The following CMC1 variants were observed in gnomAD, a reference collection of about 807,000 sequenced individuals.
The protein encoded by CMC1 is COX assembly mitochondrial protein homolog.
Under a neutral mutation model 14.1 loss-of-function variants are expected in CMC1, and 14 were observed. The observed-to-expected ratio is 0.99, with a 90% CI of 0.66 to 1.55. The LOEUF is 1.55. CMC1 is among the 40% of genes most tolerant of loss of function. The pLI, the probability that CMC1 is intolerant of heterozygous loss-of-function variation, is 0.00. For synonymous variants in CMC1, 50 were observed against 38.4 expected (o/e 1.30, Z -1.12); for missense variants, 127 against 123.8 (o/e 1.03, Z -0.12).
At chr3:28,281,815 A>C (rs1700909578) in intron 2 of CMC1, among the ~76,000 whole-genome samples, 1 of 152,200 alleles carries the variant, frequency 6.6e-6, no homozygotes, top group Admixed American at 6.5e-5. Context: ...TATTTGGCTA[A>C]GTATAGGGAA....
At chr3:28,294,968 T>C (rs1006500028) in intron 2 of CMC1, among the ~76,000 whole-genome samples, 9 of 141,202 alleles carry the variant, frequency 6.4e-5, no homozygotes, top group Non-Finnish European at 1.3e-4. Context: ...TTTACAGTGC[T>C]GATCATTATT....
chr3:28,297,053 T>G (rs1408890241), intron 2 of CMC1: 2 of 152,122 alleles, frequency 1.3e-5, no homozygotes, highest in East Asian at 1.9e-4. Context: ...AATTGCTGTT[T>G]TATTTATTTG....
In CMC1 at chr3:28,313,650, A is replaced by T. The variant is rs1407130131; in HGVS notation, c.110-2683A>T. 2.0e-5 allele frequency among the ~76,000 whole-genome samples: 3 copies of T among 152,230 alleles called. No homozygotes were observed. The East Asian group carries it at 5.8e-4, about 29-fold the overall frequency. ...TGCAGACAGCTTAAGGCTTCAGGTC[A>T]GTCATATTTACTCCTGAAGATATTT... On this transcript the variant is annotated intron_variant, in intron 2 of 3. Coordinates refer to ENST00000466830, the MANE Select transcript of CMC1 (RefSeq NM_182523.2).
intron 2 of CMC1, among the ~76,000 whole-genome samples, chr3:28,270,736 G>A (rs1253555137): frequency 6.6e-6 from 1 of 151,818 alleles, no homozygotes; most frequent in African/African-American, 2.4e-5. Context: ...CTTTTGCTAT[G>A]TAGAAACTCT....
At chr3:28,276,427 A>G (rs1383509198) in intron 2 of CMC1, among the ~76,000 whole-genome samples, 1 of 152,120 alleles carries the variant, frequency 6.6e-6, no homozygotes, top group Non-Finnish European at 1.5e-5. Flanking sequence ...ATATTGTTAA[A>G]ATGAATATAT....
At chr3:28,247,361 G>A (rs571056465) in intron 1 of CMC1, among the ~76,000 whole-genome samples, 3 of 152,196 alleles carry the variant, frequency 2.0e-5, no homozygotes, top group East Asian at 1.9e-4. Context: ...AATAGGAGAC[G>A]GGAGGGGAAA....
At position 28,285,768 on chromosome 3, in the gene CMC1, C is replaced by A. The variant is rs534645842; in HGVS notation, c.109+22388C>A. ...GTATATTGTCCAGGTAAATTCTCAG[C>A]ATTTTTTTTTTTTTTTGAGACAGAG... is the stretch of plus-strand genomic sequence containing the variant. On this transcript the variant is annotated intron_variant, in intron 2 of 3. Transcript: ENST00000466830. Among the ~76,000 whole-genome samples, 3 of 141,826 alleles carry A rather than the reference C, an allele frequency of 2.1e-5. No homozygotes were observed. In the East Asian group the frequency reaches 6.1e-4, roughly 29 times the overall value. The allele number at this position is 141,826 out of a possible 152,430, so 93.0% of individuals were successfully genotyped here.
At chr3:28,255,718 T>TACACACAC (rs1207556502) in intron 1 of CMC1, among the ~76,000 whole-genome samples, 2 of 99,232 alleles carry the variant, frequency 2.0e-5, no homozygotes, top group Non-Finnish European at 4.1e-5. Flanking sequence ...TATATACATG[T>TACACACAC]ACATACACAC....
At position 28,249,011 on chromosome 3, in the gene CMC1, C is replaced by T. The variant is rs180712418; in HGVS notation, c.19+7199C>T. On this transcript the variant is annotated intron_variant, in intron 1 of 3. Transcript: ENST00000466830. ...TTCACTGTGTTAGCCAGGATGGTCT[C>T]GATCTCCTGACCTTGTGATCTGCCT... Among the ~76,000 whole-genome samples, 283 of 152,216 alleles carry T rather than the reference C, an allele frequency of 1.9e-3. 3 individuals carry two copies. The highest frequency in any genetic ancestry group is 6.1e-3 in the African/African-American group (252 of 41,528).
intron 2 of CMC1, among the ~76,000 whole-genome samples, chr3:28,304,218 C>G (rs563629952): frequency 1.3e-5 from 2 of 151,946 alleles, no homozygotes; most frequent in African/African-American, 4.8e-5. Flanking sequence ...CTTATTTAAC[C>G]TAATATATCA....
chr3:28,251,786 T>C (rs1345282357), intron 1 of CMC1, among the ~76,000 whole-genome samples: 1 of 152,152 alleles, frequency 6.6e-6, no homozygotes, highest in African/African-American at 2.4e-5. Context: ...GGAACATTCA[T>C]AGGATTGAGA....
At chr3:28,246,798 ATTTT>A (rs770788764) in intron 1 of CMC1, among the ~76,000 whole-genome samples, 2 of 121,460 alleles carry the variant, frequency 1.6e-5, no homozygotes, top group Non-Finnish European at 3.5e-5. Context: ...GGGTCCATTG[ATTTT>A]TTTTTTTTTT....
rs1700165661 is a variant in CMC1 at position 28,269,421 on chromosome 3, C to T, written c.109+6041C>T. The stretch of plus-strand genomic sequence containing the variant: ...AGTTTTCTTCTCACAGAGGAAGATG[C>T]AGTATATTTTGGTTTTAGAAATAAA... On this transcript the variant is annotated intron_variant, in intron 2 of 3. Coordinates refer to ENST00000466830, the MANE Select transcript of CMC1 (RefSeq NM_182523.2). Among the ~76,000 whole-genome samples the T allele has an allele frequency of 2.0e-5, 3 of 151,296 alleles. No homozygotes were observed. In the South Asian group the frequency reaches 6.3e-4, roughly 32 times the overall value.
Position 28,270,920 on chromosome 3 carries a change from CTT to C in CMC1, c.109+7561_109+7562del, listed in dbSNP as rs71087680. Among the ~76,000 whole-genome samples the C allele has an allele frequency of 0.012, 994 of 83,676 alleles. 9 individuals are homozygous for C. The East Asian group carries it at 0.13, about 11-fold the overall frequency. 54.9% of individuals were successfully genotyped at this position (83,676 alleles called of 152,430 possible). ...TCTTTAATTCATCTTGAGTTAATTT[CTT>C]TTTTTTTTTTTTTTTTTTTTGAGAT... On this transcript the variant is annotated intron_variant, in intron 2 of 3. Transcript: ENST00000466830.
In CMC1 at chr3:28,288,328, A is replaced by G. The variant is rs184568275; in HGVS notation, c.109+24948A>G. ...CTGATTATGAGCCAAGTGATATCAA[A>G]TAATTTAATAAAATTATATATTTTG... On this transcript the variant is annotated intron_variant, in intron 2 of 3. Coordinates refer to ENST00000466830, the MANE Select transcript of CMC1 (RefSeq NM_182523.2). 2.3e-3 allele frequency among the ~76,000 whole-genome samples: 357 copies of G among 152,216 alleles called. 2 individuals carry two copies. Among genetic ancestry groups the G allele is most frequent in the African/African-American group, 8.0e-3 (333 of 41,578 alleles).
intron 1 of CMC1, among the ~76,000 whole-genome samples, chr3:28,251,662 T>G (rs1699131844): frequency 3.3e-5 from 5 of 152,226 alleles, no homozygotes; most frequent in African/African-American, 1.2e-4. Flanking sequence ...CCCTTCAATA[T>G]AAAAATAATT....
intron 2 of CMC1, among the ~76,000 whole-genome samples, chr3:28,298,512 A>C (rs949730392): frequency 5.3e-5 from 8 of 150,126 alleles, no homozygotes; most frequent in African/African-American, 1.7e-4. Context: ...ATGTTAGTAC[A>C]TACTAAGTAT....
In CMC1 at chr3:28,321,282, TAAATG is replaced by T. The variant is rs1186972526; in HGVS notation, c.*1657_*1661del. 1 of 151,306 alleles carries T rather than the reference TAAATG, an allele frequency of 6.6e-6. No homozygotes were observed. The highest frequency in any genetic ancestry group is 2.4e-5 in the African/African-American group (1 of 41,324). The allele number at this position is 151,306 out of a possible 1,614,324, so 9.4% of individuals were successfully genotyped here. A position where few individuals can be genotyped will look rare whatever the true frequency, so the allele number is the denominator to read the frequency against. On this transcript the variant is annotated 3_prime_UTR_variant, in exon 4 of 4. Coordinates refer to ENST00000466830, the MANE Select transcript of CMC1 (RefSeq NM_182523.2). ...ACAGGAAGTTAACTGTTTTTAGAGA[TAAATG>T]AAAATGGAAGAGTTACTTTAAGAAG...
At chr3:28,282,061 T>C (rs1405464938) in intron 2 of CMC1, among the ~76,000 whole-genome samples, 1 of 152,208 alleles carries the variant, frequency 6.6e-6, no homozygotes, top group African/African-American at 2.4e-5. Context: ...TTGAAATCTG[T>C]TCTTTCTACC....
Sources: allele counts gnomAD v4.1 joint callset (sites outside exome capture counted in the v4.1 genomes callset), GRCh38; gene constraint gnomAD v4.1.1; transcripts MANE v1.5; gene names NCBI Gene and HGNC (gene_info 2026-07-23, HGNC 2026-07-21).